TRIM24: variants seen among roughly 807,000 people sequenced by gnomAD.
The protein encoded by TRIM24 is transcription intermediary factor 1-alpha.
A neutral mutation model predicts 123.9 loss-of-function variants in TRIM24; 29 were observed. That is an observed-to-expected ratio of 0.23 (90% CI 0.17 to 0.32). TRIM24 has a LOEUF of 0.32. TRIM24 is among the 10% of genes least tolerant of loss of function. The pLI is 1.00. For synonymous variants in TRIM24, 456 were observed against 461.1 expected (o/e 0.99, Z 0.14); for missense variants, 932 against 1,295.3 (o/e 0.72, Z 4.31).
At chr7:138,535,053 T>C (rs955406445) in intron 6 of TRIM24, among the ~76,000 whole-genome samples, 1 of 152,146 alleles carries the variant, frequency 6.6e-6, no homozygotes, top group Non-Finnish European at 1.5e-5. Flanking sequence ...CCTTTTTTTG[T>C]TTTCCATTTG....
chr7:138,523,677 G>GGA (rs936119523), intron 4 of TRIM24, among the ~76,000 whole-genome samples: 2 of 149,514 alleles, frequency 1.3e-5, no homozygotes, highest in Non-Finnish European at 3.0e-5. Context: ...CGTGAACCCA[G>GGA]GAGGCAGAGC....
At chr7:138,477,688 T>G (rs1795433804) in intron 1 of TRIM24, among the ~76,000 whole-genome samples, 2 of 152,344 alleles carry the variant, frequency 1.3e-5, no homozygotes, top group South Asian at 4.1e-4. Flanking sequence ...GTTGGTATTT[T>G]GAAACTATTC....
chr7:138,528,076 A>G (rs1796649329), intron 5 of TRIM24, among the ~76,000 whole-genome samples: 1 of 151,742 alleles, frequency 6.6e-6, no homozygotes, highest in Non-Finnish European at 1.5e-5. Flanking sequence ...CAGGCTTACA[A>G]TGACTCTTGC....
chr7:138,581,156 T>C lies in TRIM24; in HGVS notation c.2718+462T>C, dbSNP rs148020815. ...ATTTAAAGCTACCAAGTCAACACTT[T>C]GTTACCAAAAAAACTCCTTTGCTAA... On this transcript the variant is annotated intron_variant, in intron 16 of 18. Coordinates refer to ENST00000343526, the MANE Select transcript of TRIM24 (RefSeq NM_015905.3). Among the ~76,000 whole-genome samples, 39 of 152,330 alleles carry C rather than the reference T, an allele frequency of 2.6e-4. No individual in the cohort carries two copies. In the East Asian group the frequency reaches 7.3e-3, roughly 29 times the overall value.
chr7:138,511,383 C>G (rs887982744), intron 2 of TRIM24, among the ~76,000 whole-genome samples: 1 of 151,878 alleles, frequency 6.6e-6, no homozygotes, highest in African/African-American at 2.4e-5. Flanking sequence ...TCACTGCAAC[C>G]TCTGCCTCCC....
At chr7:138,482,068 A>G (rs963677339) in intron 1 of TRIM24, among the ~76,000 whole-genome samples, 2 of 152,152 alleles carry the variant, frequency 1.3e-5, no homozygotes, top group Non-Finnish European at 2.9e-5. Flanking sequence ...TTTCTCAGGC[A>G]GTTTTAATCT....
rs1472107574 is a variant in TRIM24, at chr7:138,585,778, C to G, written c.*827C>G. 1 of 521,812 alleles carries G rather than the reference C, an allele frequency of 1.9e-6. No homozygotes were observed. Among genetic ancestry groups the G allele is most frequent in the Non-Finnish European group, 3.8e-6 (1 of 261,954 alleles). The allele number at this position is 521,812 out of a possible 1,614,324, so 32.3% of individuals were successfully genotyped here. ...TACAGGTGATCCTTTTACAACAAGC[C>G]TCATTGTTTGCAGTATAGCTTTTAG... On this transcript the variant is annotated 3_prime_UTR_variant, in exon 19 of 19. Coordinates refer to ENST00000343526, the MANE Select transcript of TRIM24 (RefSeq NM_015905.3).
Position 138,580,636 on chromosome 7 carries a change from A to G in TRIM24, c.2660A>G (p.His887Arg). Residue 887 changes from histidine to arginine, a missense_variant, in exon 16 of 19, where the codon CAC becomes CGC. By Grantham distance (29) the His-to-Arg change is conservative. This residue lies in a region of TRIM24 where 45 missense variants were observed against 56.6 expected (regional missense o/e 0.80). Coordinates refer to ENST00000343526, the MANE Select transcript of TRIM24 (RefSeq NM_015905.3). The part of the protein sequence containing the change: ...EVEYDCDAPS[H>R]NSEKKKTEGL... ...GAATATGATTGTGATGCTCCCAGTC[A>G]CAACTCAGAAAAAAAGAAAACTGAA... 1.9e-6 allele frequency: 3 copies of G among 1,613,964 alleles called. No individual in the cohort carries two copies. The highest frequency in any genetic ancestry group is 8.5e-7 in the Non-Finnish European group (1 of 1,179,924).
chr7:138,475,154 T>C (rs547088262), intron 1 of TRIM24, among the ~76,000 whole-genome samples: 21 of 152,318 alleles, frequency 1.4e-4, no homozygotes, highest in Admixed American at 1.3e-3. Flanking sequence ...CTACTTTAAA[T>C]AGATGCTGTG....
chr7:138,505,851 A>G (rs896643505), intron 2 of TRIM24, among the ~76,000 whole-genome samples: 1 of 152,154 alleles, frequency 6.6e-6, no homozygotes, highest in Admixed American at 6.5e-5. Flanking sequence ...TGCATAATCT[A>G]TAGTACTCCA....
At chr7:138,561,294 A>G (rs1584739573) in intron 9 of TRIM24, among the ~76,000 whole-genome samples, 1 of 152,078 alleles carries the variant, frequency 6.6e-6, no homozygotes, top group South Asian at 2.1e-4. Flanking sequence ...TAAAGTATTC[A>G]ACATCTGGGT....
chr7:138,484,372 G>A (rs935255788), intron 1 of TRIM24, among the ~76,000 whole-genome samples: 2 of 149,792 alleles, frequency 1.3e-5, no homozygotes. Flanking sequence ...GCCTCCCAAA[G>A]TACTGGGATT....
chr7:138,493,113 T>A (rs1483024834), intron 1 of TRIM24, among the ~76,000 whole-genome samples: 1 of 152,212 alleles, frequency 6.6e-6, no homozygotes, highest in African/African-American at 2.4e-5. Context: ...TTACTGACAT[T>A]CCCTGTTTGT....
chr7:138,518,158 A>G (rs1166308095), intron 3 of TRIM24, among the ~76,000 whole-genome samples: 4 of 152,246 alleles, frequency 2.6e-5, no homozygotes, highest in African/African-American at 4.8e-5. Flanking sequence ...TATACAGTTA[A>G]TAAATAAGAA....
chr7:138,587,246 A>T lies in TRIM24; in HGVS notation c.*2295A>T, dbSNP rs1400850101. The T allele has an allele frequency of 2.6e-5, 4 of 152,092 alleles. No individual in the cohort carries two copies. Among genetic ancestry groups the T allele is most frequent in the Non-Finnish European group, 5.9e-5 (4 of 68,028 alleles). 9.4% of individuals were successfully genotyped at this position (152,092 alleles called of 1,614,324 possible). On this transcript the variant is annotated 3_prime_UTR_variant, in exon 19 of 19. Transcript: ENST00000343526. ...CGTGCAACTGTAATCCCAACTACTC[A>T]GGAGGCTGAGACAGGAGAATCACTT...
intron 6 of TRIM24, 30 bp from the exon 7 acceptor site, chr7:138,538,627 C>T (rs1442417162): frequency 3.1e-6 from 5 of 1,610,818 alleles, no homozygotes; most frequent in African/African-American, 1.3e-5. Context: ...CATGCTGATA[C>T]TAATTTTGAA....
In TRIM24 at chr7:138,554,611, G is replaced by A. The variant is rs1584735930; in HGVS notation, c.1262-87G>A. On this transcript the variant is annotated intron_variant, in intron 8 of 18. Transcript: ENST00000343526. The surrounding 1 kb of genome is among the most constrained non-coding windows in gnomAD (Gnocchi z 4.5). Reference sequence around the variant, plus strand: ...GATCAGAGAATTTCTTGGCAATTTTGAAGTTCTGCAAAAATAGCTTTAGAA... The same window carrying A: ...GATCAGAGAATTTCTTGGCAATTTTAAAGTTCTGCAAAAATAGCTTTAGAA... 2 of 1,438,286 alleles carry A rather than the reference G, an allele frequency of 1.4e-6. No individual in the cohort carries two copies. The highest frequency in any genetic ancestry group is 2.3e-5 in the East Asian group (1 of 43,468). 89.1% of individuals were successfully genotyped at this position (1,438,286 alleles called of 1,614,324 possible).
intron 4 of TRIM24, among the ~76,000 whole-genome samples, chr7:138,521,514 G>A (rs779108122): frequency 2.0e-5 from 3 of 151,950 alleles, no homozygotes; most frequent in African/African-American, 4.8e-5. Context: ...TAGTTAATCA[G>A]TATAAACAAA....
In TRIM24 at chr7:138,577,573, A is replaced by T; in HGVS notation, c.2241A>T (p.Glu747Asp). ...TAGTGAAGCAAGAATCAGATGAAGA[A>T]TCTAGGCCTCAAAATGTAATTATGA... ...VVIVKQESDE[E>D]SRPQNANYPR... Residue 747 changes from glutamate to aspartate, a missense_variant, in exon 14 of 19, where the codon GAA becomes GAT. Around this residue, in one of 7 missense-constraint regions of TRIM24, gnomAD observed 527 missense variants for 691.3 expected, o/e 0.76. Coordinates refer to ENST00000343526, the MANE Select transcript of TRIM24 (RefSeq NM_015905.3). 2 of 1,604,734 alleles carry T rather than the reference A, an allele frequency of 1.2e-6. No homozygotes were observed. Among genetic ancestry groups the T allele is most frequent in the Admixed American group, 1.7e-5 (1 of 58,326 alleles).
Sources: gnomAD v4.1 joint callset for allele counts (sites outside exome capture counted in the v4.1 genomes callset) on GRCh38, gnomAD v4.1.1 for gene constraint, gnomAD v4.1.1 regional missense constraint, Gnocchi (gnomAD v3.1) non-coding constraint, MANE v1.5 for transcripts, NCBI Gene and HGNC (gene_info 2026-07-23, HGNC 2026-07-21) for gene names.